SESN1: variants seen among roughly 807,000 people sequenced by gnomAD.
SESN1 encodes sestrin-1.
Under a neutral mutation model 59.3 loss-of-function variants are expected in SESN1, and 30 were observed. The observed-to-expected ratio is 0.51, with a 90% CI of 0.38 to 0.69. SESN1 has a LOEUF of 0.69. Ranked by LOEUF, SESN1 falls within the 30% of genes least tolerant of loss-of-function variation. The pLI, the probability that SESN1 is intolerant of heterozygous loss-of-function variation, is 0.00. For missense variants in SESN1, 566 were observed against 673.0 expected (o/e 0.84, Z 1.76); for synonymous variants, 197 against 219.9 (o/e 0.90, Z 0.92).
At chr6:109,012,137 G>T (rs1415623072) in intron 1 of SESN1, among the ~76,000 whole-genome samples, 3 of 152,134 alleles carry the variant, frequency 2.0e-5, no homozygotes, top group Non-Finnish European at 4.4e-5. Flanking sequence ...CCTGAACACA[G>T]AACAGTGATT....
intron 1 of SESN1, among the ~76,000 whole-genome samples, chr6:109,040,899 G>T (rs544756777): frequency 6.6e-6 from 1 of 151,880 alleles, no homozygotes; most frequent in Non-Finnish European, 1.5e-5. Flanking sequence ...TGATCTGCCC[G>T]CCTCAGCCTC....
Position 109,026,119 on chromosome 6 carries a change from A to G in SESN1, c.280-23776T>C, listed in dbSNP as rs114755713. ...AAAACTAAGCTGACAGCCTAATTTT[A>G]AAGAATGGAAGCCAGAGGATCAAAA... On this transcript the variant is annotated intron_variant, in intron 1 of 9. Transcript: ENST00000436639. Among the ~76,000 whole-genome samples the G allele has an allele frequency of 6.6e-3, 998 of 152,334 alleles. 11 individuals are homozygous for G. Among genetic ancestry groups the G allele is most frequent in the African/African-American group, 0.022 (933 of 41,576 alleles).
chr6:109,009,589 G>T, intron 1 of SESN1: 1 of 1,066,002 alleles, frequency 9.4e-7, no homozygotes, highest in South Asian at 4.5e-5. Context: ...AACAAGCCGC[G>T]CGGCCCCGCC....
intron 1 of SESN1, among the ~76,000 whole-genome samples, chr6:109,087,698 T>TA (rs1011038479): frequency 1.6e-3 from 249 of 151,530 alleles, no homozygotes; most frequent in African/African-American, 5.7e-3. Context: ...AAATGGCAGT[T>TA]AAAAAAAAAT....
At chr6:109,074,064 T>C (rs1009117767) in intron 1 of SESN1, among the ~76,000 whole-genome samples, 8 of 152,358 alleles carry the variant, frequency 5.3e-5, no homozygotes, top group African/African-American at 1.9e-4. Flanking sequence ...CTGTGCCTTT[T>C]CTATGTTTAG....
chr6:109,024,023 A>G (rs1276497198), intron 1 of SESN1, among the ~76,000 whole-genome samples: 16 of 152,132 alleles, frequency 1.1e-4, no homozygotes, highest in Admixed American at 1.0e-3. Flanking sequence ...AAAATCAGTA[A>G]TTTTTGCCAA....
At chr6:109,040,680 T>A (rs1156655522) in intron 1 of SESN1, among the ~76,000 whole-genome samples, 1 of 150,112 alleles carries the variant, frequency 6.7e-6, no homozygotes, top group Non-Finnish European at 1.5e-5. Flanking sequence ...TTTGAGACAG[T>A]CTCGCTCTGT....
intron 1 of SESN1, among the ~76,000 whole-genome samples, chr6:109,015,189 C>A (rs984565480): frequency 6.6e-6 from 1 of 152,134 alleles, no homozygotes; most frequent in African/African-American, 2.4e-5. Flanking sequence ...GGCAGGCTGA[C>A]TCTGTGAGGG....
At position 108,985,648 on chromosome 6, in the gene SESN1, G is replaced by A. The variant is rs756672257; in HGVS notation, c.*1896C>T. ...GTTCCAGTGGACTAAATGCATTCTA[G>A]TTGATCTTGTTTTGTGATCACTCTA... On this transcript the variant is annotated 3_prime_UTR_variant, in exon 10 of 10. Coordinates refer to ENST00000436639, the MANE Select transcript of SESN1 (RefSeq NM_014454.3). 2.6e-5 allele frequency among the ~76,000 whole-genome samples: 4 copies of A among 152,104 alleles called. No homozygotes were observed. Among genetic ancestry groups the A allele is most frequent in the Non-Finnish European group, 4.4e-5 (3 of 68,010 alleles).
intron 1 of SESN1, among the ~76,000 whole-genome samples, chr6:109,060,166 A>G (rs981163689): frequency 3.9e-5 from 6 of 152,138 alleles, no homozygotes; most frequent in Non-Finnish European, 7.4e-5. Flanking sequence ...TAAACAATCT[A>G]ATCTGTGGAA....
At chr6:108,996,763 A>T (rs1165864804) in intron 5 of SESN1, among the ~76,000 whole-genome samples, 2 of 152,208 alleles carry the variant, frequency 1.3e-5, no homozygotes, top group Non-Finnish European at 2.9e-5. Flanking sequence ...GAACAGAATA[A>T]TACACCAACA....
intron 1 of SESN1, among the ~76,000 whole-genome samples, chr6:109,086,434 A>G (rs1781214506): frequency 6.6e-6 from 1 of 152,252 alleles, no homozygotes; most frequent in African/African-American, 2.4e-5. Flanking sequence ...TCCTTAAGTT[A>G]GCAGTTTGAA....
chr6:109,028,407 TTTG>T (rs1216068242), intron 1 of SESN1, among the ~76,000 whole-genome samples: 1 of 152,158 alleles, frequency 6.6e-6, no homozygotes, highest in African/African-American at 2.4e-5. Context: ...ATGGGGCTAA[TTTG>T]TTGTTGTTGT....
In SESN1 at chr6:108,985,282, A is replaced by AAAAC. The variant is rs1779154212; in HGVS notation, c.*2258_*2261dup. Among the ~76,000 whole-genome samples, 1 of 148,678 alleles carries AAAAC rather than the reference A, an allele frequency of 6.7e-6. No homozygotes were observed. Among genetic ancestry groups the AAAAC allele is most frequent in the Admixed American group, 6.7e-5 (1 of 14,998 alleles). On this transcript the variant is annotated 3_prime_UTR_variant, in exon 10 of 10. Transcript: ENST00000436639. ...ATAAAAAATTTTCCCAAATACGGCC[A>AAAAC]AAACAACTCAAGATTTTAACTCTTG... is the stretch of plus-strand genomic sequence containing the variant.
At chr6:109,091,881 T>G (rs1781321940) in intron 1 of SESN1, among the ~76,000 whole-genome samples, 1 of 152,184 alleles carries the variant, frequency 6.6e-6, no homozygotes, top group African/African-American at 2.4e-5. Flanking sequence ...AGACTACTGA[T>G]GAAAAACAGA....
intron 1 of SESN1, among the ~76,000 whole-genome samples, chr6:109,025,888 A>C (rs1015941439): frequency 1.1e-4 from 16 of 152,088 alleles, no homozygotes; most frequent in African/African-American, 3.4e-4. Flanking sequence ...GAATAGGACA[A>C]AGGTAATATT....
Position 109,000,637 on chromosome 6 carries a change from G to A in SESN1, c.583C>T (p.Leu195=). 1 of 1,609,158 alleles carries A rather than the reference G, an allele frequency of 6.2e-7. No individual in the cohort carries two copies. Among genetic ancestry groups the A allele is most frequent in the Non-Finnish European group, 8.5e-7 (1 of 1,177,368 alleles). The change falls in exon 4 of 10, where the codon CTG becomes TTG. Residue 195 remains leucine (L), a synonymous_variant. Coordinates refer to ENST00000436639, the MANE Select transcript of SESN1 (RefSeq NM_014454.3). ...ARHQCSYLVN[L]HVNDFLHVGG... ...ACATGAAGGAAATCATTTACATGCAGGTTCACTAAGTAGGAGCACTGATGT... is the reference window on the plus strand; with the variant it reads ...ACATGAAGGAAATCATTTACATGCAAGTTCACTAAGTAGGAGCACTGATGT...
chr6:109,066,441 G>A (rs1019016463), intron 1 of SESN1, among the ~76,000 whole-genome samples: 14 of 151,532 alleles, frequency 9.2e-5, no homozygotes, highest in Non-Finnish European at 1.5e-5. Flanking sequence ...GATCCCTCTG[G>A]GATAAAATGA....
At chr6:109,062,112 A>G (rs1346038645) in intron 1 of SESN1, among the ~76,000 whole-genome samples, 2 of 151,974 alleles carry the variant, frequency 1.3e-5, no homozygotes, top group African/African-American at 4.8e-5. Context: ...GCAGCCTTGA[A>G]CTCCTAGTCT....
Sources: allele counts gnomAD v4.1 joint callset (sites outside exome capture counted in the v4.1 genomes callset), GRCh38; gene constraint gnomAD v4.1.1; transcripts MANE v1.5; gene names NCBI Gene and HGNC (gene_info 2026-07-23, HGNC 2026-07-21).